Variants in ADAM18 observed in about 807,000 individuals in gnomAD.
The protein encoded by ADAM18 is disintegrin and metalloproteinase domain-containing protein 18.
In ADAM18, 117 loss-of-function variants were observed where a neutral mutation model predicts 94.4. The ratio of observed to expected loss-of-function variants is 1.24; its 90% CI spans 1.07 to 1.45. The LOEUF (loss-of-function observed/expected upper bound fraction) is 1.45, where lower values mean the gene tolerates loss of function less well. Among genes scored for constraint, ADAM18 ranks in the 40% most tolerant of loss-of-function variants. ADAM18 has a pLI of 0.00. For synonymous variants in ADAM18, 327 were observed against 291.6 expected (o/e 1.12, Z -1.24); for missense variants, 936 against 880.0 (o/e 1.06, Z -0.81).
chr8:39,648,027 A>AAG (rs1274717556), intron 11 of ADAM18, among the ~76,000 whole-genome samples: 1 of 152,198 alleles, frequency 6.6e-6, no homozygotes, highest in Non-Finnish European at 1.5e-5. Flanking sequence ...TATATAACAG[A>AAG]AGAGCACACT....
At chr8:39,597,183 T>C (rs1008591824) in intron 2 of ADAM18, among the ~76,000 whole-genome samples, 2 of 152,186 alleles carry the variant, frequency 1.3e-5, no homozygotes, top group African/African-American at 4.8e-5. Context: ...TGGTCCTTTA[T>C]CATATAGGCC....
At chr8:39,641,947 G>A (rs986019479) in intron 10 of ADAM18, among the ~76,000 whole-genome samples, 17 of 151,986 alleles carry the variant, frequency 1.1e-4, no homozygotes, top group African/African-American at 3.6e-4. Context: ...TTTAGTAATA[G>A]CCACTCTTAC....
intron 7 of ADAM18, among the ~76,000 whole-genome samples, chr8:39,631,882 G>T (rs1180634636): frequency 6.6e-6 from 1 of 151,878 alleles, no homozygotes; most frequent in Non-Finnish European, 1.5e-5. Flanking sequence ...GAACATCTTT[G>T]TTAGTTTTAT....
chr8:39,585,225 C>T, intron 1 of ADAM18, 51 bp from the exon 2 acceptor site: 1 of 1,469,672 alleles, frequency 6.8e-7, no homozygotes, highest in Non-Finnish European at 9.5e-7. Context: ...TTGACTGAGA[C>T]GATTGTTGAT....
Position 39,637,673 on chromosome 8 carries a change from T to C in ADAM18, c.797T>C (p.Leu266Pro). The part of the protein sequence containing the change: ...FLAWKRDYLI[L>P]RPHDIAYLLV... ...GCATGGAAACGGGACTATCTCATCC[T>C]ACGGCCCCATGACATAGCATACTTA... The change falls in exon 9 of 20, where the codon CTA (leucine) becomes CCA (proline). Residue 266 changes from leucine (L) to proline (P), a missense_variant. Leu to Pro is a moderately conservative substitution (Grantham distance 98). Transcript: ENST00000265707. 6.2e-7 allele frequency: 1 copy of C among 1,611,082 alleles called. No homozygotes were observed. Among genetic ancestry groups the C allele is most frequent in the Non-Finnish European group, 8.5e-7 (1 of 1,178,396 alleles).
intron 6 of ADAM18, 111 bp from the exon 7 acceptor site, chr8:39,629,263 G>T: frequency 1.4e-6 from 1 of 706,804 alleles, no homozygotes; most frequent in Non-Finnish European, 2.3e-6. Flanking sequence ...TTATACTTAA[G>T]TCCTCATGAA....
At chr8:39,665,223 T>A (rs1820964885) in intron 13 of ADAM18, among the ~76,000 whole-genome samples, 1 of 152,222 alleles carries the variant, frequency 6.6e-6, no homozygotes, top group Non-Finnish European at 1.5e-5. Context: ...CATCTTAACA[T>A]AATGTATTTG....
At chr8:39,634,419 C>T (rs968601320) in intron 7 of ADAM18, among the ~76,000 whole-genome samples, 1 of 152,178 alleles carries the variant, frequency 6.6e-6, no homozygotes, top group Non-Finnish European at 1.5e-5. Context: ...CCTGGGAAAG[C>T]TGCATGCATG....
intron 18 of ADAM18, among the ~76,000 whole-genome samples, chr8:39,708,133 C>T (rs570089615): frequency 1.3e-5 from 2 of 152,300 alleles, no homozygotes; most frequent in African/African-American, 4.8e-5. Context: ...CAGTTTAAAA[C>T]TTATGAATTG....
intron 17 of ADAM18, 30 bp downstream of exon 17, chr8:39,692,710 T>C: frequency 6.6e-7 from 1 of 1,526,608 alleles, no homozygotes; most frequent in African/African-American, 1.4e-5. Flanking sequence ...GAATTGCATG[T>C]TATTCTTGTG....
chr8:39,641,591 T>C (rs1585929084), intron 10 of ADAM18, among the ~76,000 whole-genome samples: 3 of 152,082 alleles, frequency 2.0e-5, no homozygotes, highest in East Asian at 1.9e-4. Flanking sequence ...GGTGTCCATG[T>C]GTTCTCATCA....
At chr8:39,605,861 C>T (rs548491796) in intron 2 of ADAM18, 139 of 167,908 alleles carry the variant, frequency 8.3e-4, no homozygotes, top group Non-Finnish European at 1.5e-3. Flanking sequence ...CAGCCCCTTC[C>T]TACCCTTTCC....
intron 19 of ADAM18, among the ~76,000 whole-genome samples, chr8:39,724,216 G>A (rs543222087): frequency 6.6e-6 from 1 of 151,802 alleles, no homozygotes; most frequent in East Asian, 1.9e-4. Flanking sequence ...ACACATTGGT[G>A]TTGGTTTTAC....
intron 13 of ADAM18, among the ~76,000 whole-genome samples, chr8:39,664,589 A>T (rs1208607217): frequency 6.6e-6 from 1 of 152,182 alleles, no homozygotes; most frequent in Admixed American, 6.5e-5. Flanking sequence ...CTCTCAAATA[A>T]ATTATAAAGT....
At chr8:39,640,499 G>T (rs1292595250) in intron 10 of ADAM18, among the ~76,000 whole-genome samples, 1 of 152,080 alleles carries the variant, frequency 6.6e-6, no homozygotes, top group Non-Finnish European at 1.5e-5. Context: ...ATGTGTGCAT[G>T]TGTCTTTATT....
At chr8:39,669,056 T>C (rs1038843104) in intron 14 of ADAM18, among the ~76,000 whole-genome samples, 1 of 152,024 alleles carries the variant, frequency 6.6e-6, no homozygotes, top group Admixed American at 6.6e-5. Flanking sequence ...CTACTTTTTA[T>C]GTGTGTGTGT....
At chr8:39,614,862 A>T (rs1819391245) in intron 6 of ADAM18, among the ~76,000 whole-genome samples, 1 of 152,194 alleles carries the variant, frequency 6.6e-6, no homozygotes. Context: ...ATGGACAAAG[A>T]GCACTGCATA....
intron 12 of ADAM18, among the ~76,000 whole-genome samples, chr8:39,662,028 T>G (rs1008476970): frequency 6.6e-6 from 1 of 151,598 alleles, no homozygotes; most frequent in Non-Finnish European, 1.5e-5. Flanking sequence ...AGCTCTGCTA[T>G]GCAAAATGGT....
At chr8:39,678,187 A>AT (rs1461817504) in intron 15 of ADAM18, among the ~76,000 whole-genome samples, 1 of 152,230 alleles carries the variant, frequency 6.6e-6, no homozygotes, top group Non-Finnish European at 1.5e-5. Context: ...AACATAAAAA[A>AT]TTTAGATATA....
Sources: allele counts gnomAD v4.1 joint callset (sites outside exome capture counted in the v4.1 genomes callset), GRCh38; gene constraint gnomAD v4.1.1; transcripts MANE v1.5; gene names NCBI Gene and HGNC (gene_info 2026-07-23, HGNC 2026-07-21).